CSMD1: variants seen among roughly 807,000 people sequenced by gnomAD.
CSMD1 encodes CUB and sushi domain-containing protein 1.
CSMD1 carries 213 observed loss-of-function variants against 417.5 expected under a neutral mutation model. The observed-to-expected ratio is 0.51, with a 90% CI of 0.46 to 0.57. CSMD1 has a LOEUF of 0.57. Among genes scored for constraint, CSMD1 ranks in the 20% least tolerant of loss-of-function variants. CSMD1 has a pLI of 0.00. For synonymous variants in CSMD1, 2,862 were observed against 1,736.8 expected (o/e 1.65, Z -16.11); for missense variants, 6,923 against 4,529.7 (o/e 1.53, Z -15.17).
intron 3 of CSMD1, among the ~76,000 whole-genome samples, chr8:4,362,836 T>C (rs1338934659): frequency 6.6e-6 from 1 of 152,230 alleles, no homozygotes; most frequent in Non-Finnish European, 1.5e-5. Flanking sequence ...GGGATAGTTG[T>C]TCCCCATTGG....
chr8:4,793,255 C>T (rs1409783573), intron 1 of CSMD1, among the ~76,000 whole-genome samples: 1 of 152,014 alleles, frequency 6.6e-6, no homozygotes, highest in Non-Finnish European at 1.5e-5. Context: ...ATTTACAAGA[C>T]CTAATCTATG....
intron 49 of CSMD1, among the ~76,000 whole-genome samples, chr8:3,061,656 G>C (rs1213201418): frequency 3.9e-5 from 6 of 152,120 alleles, no homozygotes; most frequent in Non-Finnish European, 8.8e-5. Context: ...GACTCAGAAA[G>C]TCATATACAC....
At chr8:3,080,320 C>T (rs1200967384) in intron 49 of CSMD1, among the ~76,000 whole-genome samples, 2 of 152,166 alleles carry the variant, frequency 1.3e-5, no homozygotes, top group African/African-American at 4.8e-5. Context: ...GAAACAGCTG[C>T]TTGGCAGAGT....
At chr8:4,048,240 G>C (rs540238585) in intron 3 of CSMD1, among the ~76,000 whole-genome samples, 28 of 152,184 alleles carry the variant, frequency 1.8e-4, no homozygotes, top group Non-Finnish European at 3.2e-4. Context: ...TAGTCACTGA[G>C]ATTAGAATGA....
intron 2 of CSMD1, among the ~76,000 whole-genome samples, chr8:4,529,847 A>C (rs1461291891): frequency 6.6e-6 from 1 of 151,018 alleles, no homozygotes; most frequent in African/African-American, 2.4e-5. Context: ...GGTTACCGTC[A>C]GGTTGCTGCC....
At chr8:3,017,438 A>T (rs750525478) in intron 52 of CSMD1, among the ~76,000 whole-genome samples, 2 of 152,224 alleles carry the variant, frequency 1.3e-5, no homozygotes, top group Non-Finnish European at 2.9e-5. Flanking sequence ...CCAACGACAG[A>T]CACATATGCA....
intron 6 of CSMD1, among the ~76,000 whole-genome samples, chr8:3,749,032 G>A (rs574810743): frequency 6.6e-6 from 1 of 152,172 alleles, no homozygotes; most frequent in Non-Finnish European, 1.5e-5. Context: ...CCGGGTAAAG[G>A]TGTGTAAAAC....
intron 5 of CSMD1, among the ~76,000 whole-genome samples, chr8:3,830,431 G>A (rs567879899): frequency 1.3e-5 from 2 of 152,144 alleles, no homozygotes; most frequent in African/African-American, 2.4e-5. Context: ...CTAATTATAC[G>A]TTGACTACTG....
At chr8:3,197,259 G>A (rs1286398037) in intron 33 of CSMD1, among the ~76,000 whole-genome samples, 1 of 151,998 alleles carries the variant, frequency 6.6e-6, no homozygotes, top group Non-Finnish European at 1.5e-5. Context: ...GCACACTGAT[G>A]CTGTTGCAAA....
rs112438067 is a variant in CSMD1, at chr8:3,536,731, G to T, written c.1344+38214C>A. ...GCCTCCCTCCTCCGGTCTTGCAGGT[G>T]GCAGGAGCCCCAATACCCAAAAGTG... On this transcript the variant is annotated intron_variant, in intron 10 of 69. Coordinates refer to ENST00000635120, the MANE Select transcript of CSMD1 (RefSeq NM_033225.6). Among the ~76,000 whole-genome samples, 1,295 of 152,268 alleles carry T rather than the reference G, an allele frequency of 8.5e-3. 17 individuals are homozygous for T. Among genetic ancestry groups the T allele is most frequent in the African/African-American group, 0.029 (1,187 of 41,544 alleles).
intron 2 of CSMD1, among the ~76,000 whole-genome samples, chr8:4,535,624 T>A (rs1284938554): frequency 6.6e-6 from 1 of 152,198 alleles, no homozygotes; most frequent in Non-Finnish European, 1.5e-5. Context: ...TATAATATAG[T>A]TCCAAATCAT....
At chr8:4,617,394 A>G (rs768850939) in intron 2 of CSMD1, among the ~76,000 whole-genome samples, 1 of 152,196 alleles carries the variant, frequency 6.6e-6, no homozygotes, top group Non-Finnish European at 1.5e-5. Flanking sequence ...GGACTCCAAT[A>G]ACCCTGTCAT....
At chr8:4,182,939 A>C (rs1372491103) in intron 3 of CSMD1, among the ~76,000 whole-genome samples, 1 of 152,166 alleles carries the variant, frequency 6.6e-6, no homozygotes, top group Non-Finnish European at 1.5e-5. Context: ...TCAATTAGCA[A>C]ATGAAGATAA....
In CSMD1 at chr8:4,225,884, T is replaced by C. The variant is rs142793552; in HGVS notation, c.416-193785A>G. Among the ~76,000 whole-genome samples the C allele has an allele frequency of 3.3e-3, 498 of 152,334 alleles. 4 individuals are homozygous for C. Among genetic ancestry groups the C allele is most frequent in the African/African-American group, 0.012 (482 of 41,570 alleles). On this transcript the variant is annotated intron_variant, in intron 3 of 69. Coordinates refer to ENST00000635120, the MANE Select transcript of CSMD1 (RefSeq NM_033225.6). ...AACTGTGCATATATTTGGATTCTTC[T>C]ATTAAGATTGTAATTAATTATAATT... is the stretch of plus-strand genomic sequence containing the variant.
At chr8:3,106,417 A>T (rs1170776162) in intron 46 of CSMD1, 111 bp downstream of exon 46, 1 of 629,228 alleles carries the variant, frequency 1.6e-6, no homozygotes, top group Admixed American at 3.2e-5. Context: ...TAAATAAATA[A>T]TAAACAAATA....
intron 49 of CSMD1, among the ~76,000 whole-genome samples, chr8:3,084,788 A>G (rs1348629574): frequency 1.3e-5 from 2 of 151,950 alleles, no homozygotes; most frequent in Non-Finnish European, 2.9e-5. Context: ...CCAGATAATC[A>G]TTTTTACTCT....
intron 22 of CSMD1, among the ~76,000 whole-genome samples, chr8:3,344,071 A>G (rs1807830861): frequency 6.6e-6 from 1 of 152,320 alleles, no homozygotes; most frequent in African/African-American, 2.4e-5. Flanking sequence ...CTTCCCAAGC[A>G]GTTGTAAAAC....
intron 2 of CSMD1, among the ~76,000 whole-genome samples, chr8:4,588,925 A>G (rs1468971902): frequency 6.6e-6 from 1 of 152,140 alleles, no homozygotes; most frequent in Non-Finnish European, 1.5e-5. Context: ...GAAAAAATAT[A>G]CATACACATA....
intron 3 of CSMD1, among the ~76,000 whole-genome samples, chr8:4,132,190 G>C (rs1055043201): frequency 8.2e-6 from 1 of 122,690 alleles, no homozygotes; most frequent in Non-Finnish European, 1.6e-5. Context: ...AATTTGTCAT[G>C]GATTTTTTTT....
Sources: gnomAD v4.1 joint callset for allele counts (sites outside exome capture counted in the v4.1 genomes callset) on GRCh38, gnomAD v4.1.1 for gene constraint, MANE v1.5 for transcripts, NCBI Gene and HGNC (gene_info 2026-07-23, HGNC 2026-07-21) for gene names.